The following CHCHD3 variants were observed in gnomAD, a reference collection of about 807,000 sequenced individuals.
CHCHD3 encodes MICOS complex subunit MIC19.
A neutral mutation model predicts 38.2 loss-of-function variants in CHCHD3; 20 were observed. The observed-to-expected ratio is 0.52, with a 90% CI of 0.37 to 0.76. The LOEUF is 0.76. Among genes scored for constraint, CHCHD3 ranks in the 30% least tolerant of loss-of-function variants. The pLI, the probability that CHCHD3 is intolerant of heterozygous loss-of-function variation, is 0.00. For missense variants in CHCHD3, 245 were observed against 279.2 expected (o/e 0.88, Z 0.87); for synonymous variants, 82 against 100.0 (o/e 0.82, Z 1.07).
At chr7:132,831,269 C>T (rs1432690402) in intron 6 of CHCHD3, among the ~76,000 whole-genome samples, 2 of 152,154 alleles carry the variant, frequency 1.3e-5, no homozygotes, top group Non-Finnish European at 2.9e-5. Flanking sequence ...ACCAAGTCAA[C>T]TTGATCATTT....
At chr7:132,987,444 G>A (rs1812150284) in intron 3 of CHCHD3, among the ~76,000 whole-genome samples, 1 of 152,194 alleles carries the variant, frequency 6.6e-6, no homozygotes, top group Admixed American at 6.5e-5. Context: ...ACCAAAAAAG[G>A]TGGGAGATGA....
intron 3 of CHCHD3, among the ~76,000 whole-genome samples, chr7:132,995,775 A>AT (rs1253548704): frequency 6.6e-5 from 10 of 152,084 alleles, no homozygotes; most frequent in African/African-American, 1.4e-4. Flanking sequence ...CACTCCATTC[A>AT]TTTTTTTATT....
intron 5 of CHCHD3, among the ~76,000 whole-genome samples, chr7:132,856,544 A>AAAGG (rs1808346391): frequency 6.6e-6 from 1 of 152,236 alleles, no homozygotes; most frequent in African/African-American, 2.4e-5. Flanking sequence ...CAGGGCAAAG[A>AAAGG]AAAGTCTGCA....
intron 4 of CHCHD3, among the ~76,000 whole-genome samples, chr7:132,962,746 T>A (rs1361013428): frequency 6.6e-6 from 1 of 152,196 alleles, no homozygotes; most frequent in Non-Finnish European, 1.5e-5. Context: ...TGAATGAAAT[T>A]CTTCACCTCT....
chr7:133,037,959 C>CA (rs1813725703), intron 2 of CHCHD3, among the ~76,000 whole-genome samples: 1 of 152,136 alleles, frequency 6.6e-6, no homozygotes, highest in African/African-American at 2.4e-5. Context: ...CTTTCATAAT[C>CA]ATTTAAAAGT....
intron 2 of CHCHD3, among the ~76,000 whole-genome samples, chr7:133,047,989 T>C (rs1814044318): frequency 6.6e-6 from 1 of 152,184 alleles, no homozygotes; most frequent in Non-Finnish European, 1.5e-5. Flanking sequence ...CTCGGGAGGC[T>C]GAGGCAGGAG....
intron 4 of CHCHD3, among the ~76,000 whole-genome samples, chr7:132,945,832 C>G (rs539527044): frequency 3.1e-4 from 47 of 151,906 alleles, no homozygotes; most frequent in African/African-American, 9.6e-4. Flanking sequence ...GTATAATGTG[C>G]TTTTTTCTTC....
At chr7:132,790,428 T>C (rs1806427863) in intron 7 of CHCHD3, among the ~76,000 whole-genome samples, 1 of 152,222 alleles carries the variant, frequency 6.6e-6, no homozygotes, top group Non-Finnish European at 1.5e-5. Flanking sequence ...AAGCAACGAT[T>C]ACTCTCAGAA....
At chr7:133,073,186 TC>T (rs1562954661) in intron 1 of CHCHD3, among the ~76,000 whole-genome samples, 1 of 152,110 alleles carries the variant, frequency 6.6e-6, no homozygotes, top group Non-Finnish European at 1.5e-5. Flanking sequence ...TGGAAAGCCC[TC>T]CCTTGGCTTT....
intron 4 of CHCHD3, among the ~76,000 whole-genome samples, chr7:132,961,809 A>T (rs1811328513): frequency 6.6e-6 from 1 of 152,218 alleles, no homozygotes; most frequent in African/African-American, 2.4e-5. Flanking sequence ...GCCTCTGGCA[A>T]CCACCTTTCT....
At chr7:132,856,063 G>C (rs561709865) in intron 5 of CHCHD3, among the ~76,000 whole-genome samples, 40 of 152,286 alleles carry the variant, frequency 2.6e-4, no homozygotes, top group African/African-American at 6.5e-4. Flanking sequence ...ATCCCACCAA[G>C]GGGTGATAAT....
At chr7:132,939,917 C>T (rs1475226183) in intron 4 of CHCHD3, among the ~76,000 whole-genome samples, 2 of 152,150 alleles carry the variant, frequency 1.3e-5, no homozygotes, top group Non-Finnish European at 2.9e-5. Flanking sequence ...ACAGTCCCTA[C>T]GGACATATTC....
chr7:132,789,930 T>C (rs1806417367), intron 7 of CHCHD3, among the ~76,000 whole-genome samples: 2 of 152,174 alleles, frequency 1.3e-5, no homozygotes, highest in Non-Finnish European at 2.9e-5. Context: ...TGGGAGACAC[T>C]GGAGCTTCGA....
At chr7:132,802,235 T>C (rs998827) in intron 6 of CHCHD3, among the ~76,000 whole-genome samples, 77,858 of 151,876 alleles carry the variant, frequency 0.51, 20,092 homozygotes, top group Middle Eastern at 0.58. Flanking sequence ...AGGACTCTAA[T>C]AACATGTGGC....
intron 6 of CHCHD3, among the ~76,000 whole-genome samples, chr7:132,812,919 C>T (rs1807108147): frequency 2.0e-5 from 3 of 152,204 alleles, no homozygotes; most frequent in African/African-American, 4.8e-5. Context: ...GCTGCCCTTC[C>T]CCTAATGCCT....
At chr7:133,069,395 T>C (rs932786107) in intron 2 of CHCHD3, among the ~76,000 whole-genome samples, 7 of 152,178 alleles carry the variant, frequency 4.6e-5, no homozygotes, top group African/African-American at 9.7e-5. Flanking sequence ...ATAGCCAGAT[T>C]TCCCCCTTTC....
At chr7:132,937,467 A>ATAC (rs1432920485) in intron 4 of CHCHD3, among the ~76,000 whole-genome samples, 1 of 152,246 alleles carries the variant, frequency 6.6e-6, no homozygotes, top group African/African-American at 2.4e-5. Context: ...TTCATGTACC[A>ATAC]TACTGACTGC....
chr7:132,928,928 A>G (rs889203249), intron 4 of CHCHD3, among the ~76,000 whole-genome samples: 1 of 151,916 alleles, frequency 6.6e-6, no homozygotes, highest in African/African-American at 2.4e-5. Context: ...AAATCCTGAG[A>G]TTTTGCTCCA....
chr7:132,825,691 T>C (rs1807490942), intron 6 of CHCHD3, among the ~76,000 whole-genome samples: 1 of 152,244 alleles, frequency 6.6e-6, no homozygotes, highest in Non-Finnish European at 1.5e-5. Context: ...CATCTGGGCA[T>C]GCAGCTTGCA....
Sources: gnomAD v4.1 joint callset for allele counts (sites outside exome capture counted in the v4.1 genomes callset) on GRCh38, gnomAD v4.1.1 for gene constraint, MANE v1.5 for transcripts, NCBI Gene and HGNC (gene_info 2026-07-23, HGNC 2026-07-21) for gene names.